DAB2IP: variants seen among roughly 807,000 people sequenced by gnomAD.
DAB2IP encodes the protein DAB2 interacting protein.
Under a neutral mutation model 107.2 loss-of-function variants are expected in DAB2IP, and 28 were observed. That is an observed-to-expected ratio of 0.26 (90% CI 0.19 to 0.36). The LOEUF is 0.36. Among genes scored for constraint, DAB2IP ranks in the 10% least tolerant of loss-of-function variants. DAB2IP has a pLI of 1.00. For synonymous variants in DAB2IP, 755 were observed against 706.4 expected (o/e 1.07, Z -1.09); for missense variants, 1,400 against 1,644.7 (o/e 0.85, Z 2.57).
chr9:121,672,476 A>G (rs926836198), intron 1 of DAB2IP, among the ~76,000 whole-genome samples: 9 of 152,268 alleles, frequency 5.9e-5, no homozygotes, highest in African/African-American at 2.2e-4. Flanking sequence ...CCAAGCCAGC[A>G]GCATTTGAAT....
exon 16 of DAB2IP, chr9:121,783,806 A>G: frequency 3.6e-6 from 2 of 559,160 alleles, no homozygotes; most frequent in Non-Finnish European, 3.2e-6. Context: ...GCTGTTCTGT[A>G]GCTTATCTGC....
In DAB2IP at chr9:121,651,829, C is replaced by T. The variant is rs903917275; in HGVS notation, c.54C>T (p.Tyr18=). Residue 18 remains tyrosine, a synonymous_variant, in exon 1 of 16, where the codon TAC becomes TAT. Coordinates refer to ENST00000408936, the Ensembl canonical transcript of DAB2IP. This position sits in a 1 kb window ranked among gnomAD's most constrained non-coding sequence, Gnocchi z 5.1. ...GCACCGGGAGGTCCTCCTACTACTACCGGCTGCTGAGGCGGCCCCGGCTGC... is the reference window on the plus strand; with the variant it reads ...GCACCGGGAGGTCCTCCTACTACTATCGGCTGCTGAGGCGGCCCCGGCTGC... 2.0e-6 allele frequency: 3 copies of T among 1,472,402 alleles called. No homozygotes were observed. The highest frequency in any genetic ancestry group is 4.3e-5 in the Admixed American group (2 of 46,398). The allele number at this position is 1,472,402 out of a possible 1,614,324, so 91.2% of individuals were successfully genotyped here.
exon 1 of DAB2IP, chr9:121,567,156 C>T: frequency 6.2e-7 from 1 of 1,613,902 alleles, no homozygotes; most frequent in Non-Finnish European, 8.5e-7. Context: ...GTTCATAAAT[C>T]AGGTGGGGCC....
chr9:121,625,274 T>C (rs2119003456), intron 1 of DAB2IP, among the ~76,000 whole-genome samples: 1 of 148,084 alleles, frequency 6.8e-6, no homozygotes, highest in Admixed American at 6.8e-5. Context: ...AGAGTCACTC[T>C]TGTCGCCCAG....
intron 1 of DAB2IP, among the ~76,000 whole-genome samples, chr9:121,592,496 C>T (rs534884744): frequency 6.6e-6 from 1 of 152,316 alleles, no homozygotes; most frequent in Non-Finnish European, 1.5e-5. Context: ...ATTACATTGT[C>T]CAGAGAGATC....
chr9:121,650,783 G>A (rs1832712903), upstream of DAB2IP, among the ~76,000 whole-genome samples: 1 of 152,222 alleles, frequency 6.6e-6, no homozygotes. Flanking sequence ...CTTTGGTCGG[G>A]TGGAGAAAAT....
At chr9:121,582,054 GAA>G (rs1012162798) in intron 1 of DAB2IP, among the ~76,000 whole-genome samples, 12 of 152,208 alleles carry the variant, frequency 7.9e-5, no homozygotes, top group Non-Finnish European at 1.6e-4. Flanking sequence ...GCCGTGGGGG[GAA>G]GTGAGGACAG....
intron 3 of DAB2IP, among the ~76,000 whole-genome samples, chr9:121,714,822 G>T (rs1830508319): frequency 6.6e-6 from 1 of 152,226 alleles, no homozygotes; most frequent in South Asian, 2.1e-4. Context: ...GTGGTGGGGA[G>T]GGCCTCCCCG....
At chr9:121,608,939 T>TTTG (rs1287714031) in intron 1 of DAB2IP, among the ~76,000 whole-genome samples, 2 of 152,112 alleles carry the variant, frequency 1.3e-5, no homozygotes, top group African/African-American at 4.8e-5. Flanking sequence ...TGTTTGTTTG[T>TTTG]TTGTTTGTTT....
intron 2 of DAB2IP, among the ~76,000 whole-genome samples, chr9:121,696,514 A>G (rs80198807): frequency 0.088 from 13,344 of 152,286 alleles, 1,433 homozygotes; most frequent in African/African-American, 0.25. Flanking sequence ...CTGAAGGGAC[A>G]GCAGAAAAGG....
chr9:121,644,401 A>C (rs1295506700), intron 1 of DAB2IP, among the ~76,000 whole-genome samples: 1 of 152,164 alleles, frequency 6.6e-6, no homozygotes, highest in African/African-American at 2.4e-5. Context: ...GTTCGAGACC[A>C]GCCTGGCCAA....
At chr9:121,766,046 A>C (rs1834254517) in intron 8 of DAB2IP, among the ~76,000 whole-genome samples, 1 of 152,238 alleles carries the variant, frequency 6.6e-6, no homozygotes, top group Non-Finnish European at 1.5e-5. Flanking sequence ...ATAGTGGTCT[A>C]TTCCTGTTTT....
intron 1 of DAB2IP, among the ~76,000 whole-genome samples, chr9:121,644,228 GGGAAGA>G (rs372914682): frequency 2.2e-4 from 33 of 151,734 alleles, no homozygotes; most frequent in African/African-American, 7.5e-4. Context: ...GAAGGGGAAG[GGGAAGA>G]GGAAGGAAAC....
At chr9:121,605,629 T>C (rs1830843032) in intron 1 of DAB2IP, among the ~76,000 whole-genome samples, 1 of 151,838 alleles carries the variant, frequency 6.6e-6, no homozygotes, top group Admixed American at 6.6e-5. Flanking sequence ...CTCCCTAGAG[T>C]ATCTGGGACT....
chr9:121,686,995 G>A lies in DAB2IP; in HGVS notation c.228+8214G>A, dbSNP rs74355253. ...GGGACCAGAGACCAAGTTCTTAGGT[G>A]GTGAGTTCAGATGGAGATGGAGGTG... On this transcript the variant is annotated intron_variant, in intron 2 of 15. Coordinates refer to ENST00000408936, the Ensembl canonical transcript of DAB2IP. 7.0e-3 allele frequency among the ~76,000 whole-genome samples: 1,072 copies of A among 152,284 alleles called. 9 individuals are homozygous for A. The highest frequency in any genetic ancestry group is 0.025 in the African/African-American group (1,033 of 41,556).
At chr9:121,767,531 G>A (rs1053068997) in intron 9 of DAB2IP, among the ~76,000 whole-genome samples, 1 of 152,234 alleles carries the variant, frequency 6.6e-6, no homozygotes, top group African/African-American at 2.4e-5. Context: ...CAGAGGCTGG[G>A]CATCCCAGGG....
intron 2 of DAB2IP, among the ~76,000 whole-genome samples, chr9:121,681,260 A>G (rs745677429): frequency 6.6e-6 from 1 of 150,956 alleles, no homozygotes; most frequent in Non-Finnish European, 1.5e-5. Flanking sequence ...ATTGCCCCAC[A>G]CCCCCCCAGA....
chr9:121,754,909 TACCCCACC>T (rs1833371839), intron 3 of DAB2IP, among the ~76,000 whole-genome samples: 1 of 152,116 alleles, frequency 6.6e-6, no homozygotes, highest in Non-Finnish European at 1.5e-5. Flanking sequence ...CCTGGGTCCC[TACCCCACC>T]CTCCCTGGCT....
chr9:121,573,102 G>T (rs1423027772), intron 1 of DAB2IP, among the ~76,000 whole-genome samples: 2 of 152,110 alleles, frequency 1.3e-5, no homozygotes, highest in African/African-American at 2.4e-5. Context: ...TTGAGATGGA[G>T]TTTCGCTCTT....
Sources: gnomAD v4.1 joint callset for allele counts (sites outside exome capture counted in the v4.1 genomes callset) on GRCh38, gnomAD v4.1.1 for gene constraint, Gnocchi (gnomAD v3.1) non-coding constraint, MANE v1.5 for transcripts, NCBI Gene and HGNC (gene_info 2026-07-23, HGNC 2026-07-21) for gene names.